KDM4B: variants seen among roughly 807,000 people sequenced by gnomAD.
The protein encoded by KDM4B is lysine demethylase 4B, also known as lysine-specific demethylase 4B.
A neutral mutation model predicts 125.2 loss-of-function variants in KDM4B; 32 were observed. The ratio of observed to expected loss-of-function variants is 0.26; its 90% CI spans 0.19 to 0.34. The LOEUF (loss-of-function observed/expected upper bound fraction) is 0.34. Among genes scored for constraint, KDM4B ranks in the 10% least tolerant of loss-of-function variants. The probability of loss-of-function intolerance (pLI) is 1.00; values close to 1 mark genes in which losing one functional copy is unlikely to be tolerated. For missense variants in KDM4B, 1,190 were observed against 1,577.7 expected, an observed-to-expected ratio of 0.75 and a Z score of 4.16; for synonymous variants, 721 against 677.9, an observed-to-expected ratio of 1.06 and a Z score of -0.99.
intron 21 of KDM4B, among the ~76,000 whole-genome samples, chr19:5,146,956 A>C (rs966676719): frequency 3.3e-5 from 5 of 150,558 alleles, no homozygotes; most frequent in Admixed American, 6.6e-5. Context: ...AAAAAAAAAA[A>C]AAAAAACAAA....
intron 6 of KDM4B, among the ~76,000 whole-genome samples, chr19:5,049,938 G>T (rs1428962248): frequency 1.3e-5 from 2 of 152,102 alleles, no homozygotes; most frequent in African/African-American, 4.8e-5. Context: ...TGGAAAGAGT[G>T]TCTGGCCTCT....
At position 5,110,631 on chromosome 19, in the gene KDM4B, C is replaced by T. The variant is rs780818057; in HGVS notation, c.928C>T (p.Arg310Trp). 3.1e-6 allele frequency: 5 copies of T among 1,612,890 alleles called. No individual in the cohort carries two copies. The highest frequency in any genetic ancestry group is 1.1e-5 in the South Asian group (1 of 91,056). The change falls in exon 10 of 23, where the codon CGG (arginine) becomes TGG (tryptophan). Residue 310 changes from arginine (R) to tryptophan (W), a missense_variant. Arg to Trp is a moderately radical substitution (Grantham distance 101). Coordinates refer to ENST00000159111, the MANE Select transcript of KDM4B (RefSeq NM_015015.3). ...GTGTCCCCTGCCGCAGTGCACGTGC[C>T]GGAAGGACATGGTCAAGATCTCCAT... ...YGKVATQCTC[R>W]KDMVKISMDV...
chr19:5,089,147 C>T (rs1180289527), intron 9 of KDM4B, among the ~76,000 whole-genome samples: 1 of 152,176 alleles, frequency 6.6e-6, no homozygotes. Flanking sequence ...TACACAAGCT[C>T]CTGCGTCGCA....
At chr19:5,028,068 C>G (rs1017775344) in intron 2 of KDM4B, among the ~76,000 whole-genome samples, 1 of 152,170 alleles carries the variant, frequency 6.6e-6, no homozygotes, top group Non-Finnish European at 1.5e-5. Flanking sequence ...CCTCGAAATC[C>G]TGGCCTCAAG....
intron 1 of KDM4B, among the ~76,000 whole-genome samples, chr19:5,013,988 G>A (rs912734881): frequency 6.6e-6 from 1 of 152,232 alleles, no homozygotes; most frequent in Non-Finnish European, 1.5e-5. Context: ...CCGTGGCCCG[G>A]CAGTCCAGGA....
rs180862499 is a variant in KDM4B, at chr19:5,033,778, C to T, written c.141+747C>T. ...TCTCTCTCTCTCGGCATATTGTGCA[C>T]GCGTGTACGTGAATACACACAGCAG... On this transcript the variant is annotated intron_variant, in intron 3 of 22. Coordinates refer to ENST00000159111, the MANE Select transcript of KDM4B (RefSeq NM_015015.3). 3.6e-3 allele frequency among the ~76,000 whole-genome samples: 543 copies of T among 152,234 alleles called. 2 individuals carry two copies. The highest frequency in any genetic ancestry group is 5.4e-3 in the Non-Finnish European group (370 of 68,034).
At chr19:5,051,404 C>T (rs563893588) in intron 6 of KDM4B, among the ~76,000 whole-genome samples, 1 of 152,392 alleles carries the variant, frequency 6.6e-6, no homozygotes, top group Admixed American at 6.5e-5. Context: ...CCATCAGACA[C>T]CCTGCAGGGC....
intron 9 of KDM4B, among the ~76,000 whole-genome samples, chr19:5,101,402 T>G (rs2038930934): frequency 6.7e-6 from 1 of 148,894 alleles, no homozygotes; most frequent in Non-Finnish European, 1.5e-5. Flanking sequence ...CTCATGCCTG[T>G]AGTGCAGCAC....
intron 9 of KDM4B, among the ~76,000 whole-genome samples, chr19:5,106,297 T>C (rs1261465973): frequency 1.3e-5 from 2 of 152,174 alleles, no homozygotes; most frequent in Non-Finnish European, 2.9e-5. Context: ...TGTCTTTCAG[T>C]ACAAAAGCAA....
At chr19:5,135,666 C>T in intron 15 of KDM4B, 105 bp downstream of exon 15, 1 of 978,816 alleles carries the variant, frequency 1.0e-6, no homozygotes, top group Admixed American at 2.6e-5. Context: ...ACACCGGCCC[C>T]TCTCCCCAGG....
rs561171900 is a variant in KDM4B at position 5,014,421 on chromosome 19, C to T, written c.-108-1836C>T. 6.3e-4 allele frequency among the ~76,000 whole-genome samples: 96 copies of T among 152,236 alleles called. 1 individual carries two copies. Among genetic ancestry groups the T allele is most frequent in the African/African-American group, 2.3e-3 (94 of 41,558 alleles). On this transcript the variant is annotated intron_variant, in intron 1 of 22. Coordinates refer to ENST00000159111, the MANE Select transcript of KDM4B (RefSeq NM_015015.3). ...CCTCCCGAGTAGCTGGGACTGCAGG[C>T]GCCCGCCACCACGCCTGGCTAATTT... is the stretch of plus-strand genomic sequence containing the variant.
intron 6 of KDM4B, among the ~76,000 whole-genome samples, chr19:5,050,248 G>A (rs1020764519): frequency 1.3e-5 from 2 of 152,216 alleles, no homozygotes; most frequent in Non-Finnish European, 1.5e-5. Context: ...TCAAAGTGAC[G>A]TGAACAGCCT....
At position 5,151,508 on chromosome 19, in the gene KDM4B, C is replaced by A; in HGVS notation, c.3288C>A (p.Phe1096Leu). ...LQVQGRPGAP[F>L] ...TGCAGGGCCGGCCCGGAGCCCCCTTCTAGGACAGCTGGCCGCTCAGGCGAC... is the reference window on the plus strand; with the variant it reads ...TGCAGGGCCGGCCCGGAGCCCCCTTATAGGACAGCTGGCCGCTCAGGCGAC... The change falls in exon 23 of 23, where the codon TTC (phenylalanine) becomes TTA (leucine). Residue 1096 changes from phenylalanine (F) to leucine (L), a missense_variant. This residue lies in a region of KDM4B where 109 missense variants were observed against 93.8 expected (regional missense o/e 1.16). Coordinates refer to ENST00000159111, the MANE Select transcript of KDM4B (RefSeq NM_015015.3). 1 of 1,399,846 alleles carries A rather than the reference C, an allele frequency of 7.1e-7. No homozygotes were observed. The highest frequency in any genetic ancestry group is 9.3e-7 in the Non-Finnish European group (1 of 1,071,916). The allele number at this position is 1,399,846 out of a possible 1,614,324, so 86.7% of individuals were successfully genotyped here.
chr19:5,096,154 C>T (rs1568295746), intron 9 of KDM4B, among the ~76,000 whole-genome samples: 1 of 148,112 alleles, frequency 6.8e-6, no homozygotes, highest in Non-Finnish European at 1.5e-5. Flanking sequence ...GGTGTGATCT[C>T]GGCTCACTGC....
chr19:4,987,828 A>G (rs2034892709), intron 1 of KDM4B, among the ~76,000 whole-genome samples: 1 of 152,162 alleles, frequency 6.6e-6, no homozygotes, highest in South Asian at 2.1e-4. Flanking sequence ...GCAATGGCTC[A>G]GGAGAAGGGG....
At chr19:5,121,770 A>C (rs2146025072) in intron 11 of KDM4B, among the ~76,000 whole-genome samples, 1 of 152,248 alleles carries the variant, frequency 6.6e-6, no homozygotes, top group East Asian at 1.9e-4. Context: ...CATTCTCTGC[A>C]GGTTCAGTGC....
rs56720624 is a variant in KDM4B, at chr19:4,998,497, A to T, written c.-108-17760A>T. ...CTTTCCTCTCATTCTCTTTCCCTGC[A>T]CTTCTTCCTAAACTGTCAGTGTGTG... On this transcript the variant is annotated intron_variant, in intron 1 of 22. Coordinates refer to ENST00000159111, the MANE Select transcript of KDM4B (RefSeq NM_015015.3). Among the ~76,000 whole-genome samples the T allele has an allele frequency of 3.1e-3, 468 of 152,126 alleles. 4 individuals carry two copies. Among genetic ancestry groups the T allele is most frequent in the African/African-American group, 0.011 (440 of 41,480 alleles).
intron 1 of KDM4B, among the ~76,000 whole-genome samples, chr19:5,006,309 C>T (rs926497702): frequency 2.6e-5 from 4 of 152,116 alleles, no homozygotes; most frequent in African/African-American, 7.2e-5. Flanking sequence ...GGCTTCACTT[C>T]CTGCTGTTTC....
rs541154128 is a variant in KDM4B, at chr19:5,091,782, G to A, written c.918+9278G>A. On this transcript the variant is annotated intron_variant, in intron 9 of 22. Coordinates refer to ENST00000159111, the MANE Select transcript of KDM4B (RefSeq NM_015015.3). ...AGGGTGGGAGGGAGGAGGGCCCACG[G>A]AGGTGCGGGAAACTCCAGCCACTCC... is the stretch of plus-strand genomic sequence containing the variant. Among the ~76,000 whole-genome samples, 241 of 152,228 alleles carry A rather than the reference G, an allele frequency of 1.6e-3. 1 individual carries two copies. Among genetic ancestry groups the A allele is most frequent in the African/African-American group, 5.6e-3 (233 of 41,528 alleles).
Sources: gnomAD v4.1 joint callset for allele counts (sites outside exome capture counted in the v4.1 genomes callset) on GRCh38, gnomAD v4.1.1 for gene constraint, gnomAD v4.1.1 regional missense constraint, MANE v1.5 for transcripts, NCBI Gene and HGNC (gene_info 2026-07-23, HGNC 2026-07-21) for gene names.